CNTN4: variants seen among roughly 807,000 people sequenced by gnomAD.
The protein encoded by CNTN4 is contactin-4.
CNTN4 carries 77 observed loss-of-function variants against 122.5 expected under a neutral mutation model. The observed-to-expected ratio is 0.63, with a 90% CI of 0.52 to 0.76. The LOEUF (loss-of-function observed/expected upper bound fraction) is 0.76, where lower values mean the gene tolerates loss of function less well. Ranked by LOEUF, CNTN4 falls within the 30% of genes least tolerant of loss-of-function variation. The pLI is 0.00. For missense variants in CNTN4, 1,256 were observed against 1,259.1 expected, an observed-to-expected ratio of 1.00 and a Z score of 0.04; for synonymous variants, 512 against 447.0, an observed-to-expected ratio of 1.15 and a Z score of -1.83.
intron 2 of CNTN4, among the ~76,000 whole-genome samples, chr3:2,247,563 G>T (rs143089744): frequency 6.6e-6 from 1 of 151,898 alleles, no homozygotes; most frequent in Non-Finnish European, 1.5e-5. Context: ...CTAGATTTGC[G>T]AATTTCTTGT....
rs151174964 is a variant in CNTN4 at position 2,999,968 on chromosome 3, G to A, written c.1486+11496G>A. Among the ~76,000 whole-genome samples the A allele has an allele frequency of 2.1e-3, 323 of 152,220 alleles. 1 individual carries two copies. Among genetic ancestry groups the A allele is most frequent in the African/African-American group, 7.4e-3 (307 of 41,528 alleles). ...CATTCTCTGATCACATGAATCATTAGGGAATAAACTAAATATCAGAAGTAG... is the reference window on the plus strand; with the variant it reads ...CATTCTCTGATCACATGAATCATTAAGGAATAAACTAAATATCAGAAGTAG... On this transcript the variant is annotated intron_variant, in intron 14 of 24. Transcript: ENST00000418658.
chr3:2,433,819 A>G (rs2048164754), intron 3 of CNTN4, among the ~76,000 whole-genome samples: 1 of 152,170 alleles, frequency 6.6e-6, no homozygotes, highest in Non-Finnish European at 1.5e-5. Flanking sequence ...GTAAGTTTCC[A>G]ATTTCATTCT....
At chr3:2,158,101 A>G (rs556952437) in intron 2 of CNTN4, among the ~76,000 whole-genome samples, 1 of 152,286 alleles carries the variant, frequency 6.6e-6, no homozygotes, top group African/African-American at 2.4e-5. Flanking sequence ...CATATACTGC[A>G]TATATGGGAA....
intron 12 of CNTN4, 122 bp downstream of exon 12, chr3:2,903,127 G>T: frequency 1.1e-6 from 1 of 937,902 alleles, no homozygotes. Flanking sequence ...TTAGGCCAAA[G>T]ATGCTACTCA....
intron 3 of CNTN4, among the ~76,000 whole-genome samples, chr3:2,518,137 T>C (rs1207443838): frequency 2.3e-5 from 3 of 131,366 alleles, no homozygotes; most frequent in Non-Finnish European, 4.9e-5. Context: ...TTAAGAGATG[T>C]GAAAGGCTTT....
chr3:3,044,286 C>T (rs1700423836), intron 23 of CNTN4, among the ~76,000 whole-genome samples: 1 of 152,180 alleles, frequency 6.6e-6, no homozygotes, highest in Admixed American at 6.5e-5. Flanking sequence ...TTTCCAGCTA[C>T]CTATTTGCTA....
intron 14 of CNTN4, among the ~76,000 whole-genome samples, chr3:2,997,653 A>C (rs553689248): frequency 7.2e-5 from 11 of 152,332 alleles, no homozygotes; most frequent in East Asian, 5.8e-4. Context: ...ACCAAGATGA[A>C]AGCAAGTTAA....
At chr3:2,141,031 T>G (rs548937203) in intron 2 of CNTN4, among the ~76,000 whole-genome samples, 1 of 152,202 alleles carries the variant, frequency 6.6e-6, no homozygotes, top group African/African-American at 2.4e-5. Flanking sequence ...AAATGAGATA[T>G]TACTTACTCC....
At chr3:2,486,746 A>G (rs1167152811) in intron 3 of CNTN4, among the ~76,000 whole-genome samples, 1 of 152,180 alleles carries the variant, frequency 6.6e-6, no homozygotes, top group Non-Finnish European at 1.5e-5. Flanking sequence ...TTATTTGGGT[A>G]CAACTGTAAA....
chr3:2,422,878 G>T (rs962670975), intron 3 of CNTN4, among the ~76,000 whole-genome samples: 1 of 152,196 alleles, frequency 6.6e-6, no homozygotes, highest in Non-Finnish European at 1.5e-5. Flanking sequence ...AAATTAATTA[G>T]TGGTGTGTTG....
intron 2 of CNTN4, among the ~76,000 whole-genome samples, chr3:2,167,586 C>CA (rs1332001793): frequency 6.6e-6 from 1 of 151,960 alleles, no homozygotes; most frequent in African/African-American, 2.4e-5. Flanking sequence ...TTGGACTAGT[C>CA]AAAAAAATCC....
chr3:2,649,761 G>T (rs2083282053), intron 4 of CNTN4, among the ~76,000 whole-genome samples: 2 of 151,930 alleles, frequency 1.3e-5, no homozygotes, highest in South Asian at 4.1e-4. Flanking sequence ...GCCATACATA[G>T]TGACTTCTCT....
intron 13 of CNTN4, among the ~76,000 whole-genome samples, chr3:2,962,766 T>C (rs2094874860): frequency 6.6e-6 from 1 of 152,274 alleles, no homozygotes; most frequent in East Asian, 1.9e-4. Context: ...AAAGAACATA[T>C]GAGTACTATG....
At chr3:2,581,347 G>A (rs1381381378) in intron 4 of CNTN4, among the ~76,000 whole-genome samples, 3 of 152,118 alleles carry the variant, frequency 2.0e-5, no homozygotes, top group Admixed American at 1.3e-4. Context: ...TATATAAGGG[G>A]ATTCTGATGC....
At chr3:2,932,165 C>G (rs1378371671) in intron 13 of CNTN4, among the ~76,000 whole-genome samples, 1 of 152,018 alleles carries the variant, frequency 6.6e-6, no homozygotes, top group Admixed American at 6.6e-5. Context: ...ATCACGAGGT[C>G]AGGAGATCGA....
chr3:2,817,914 A>G (rs991417534), intron 6 of CNTN4, among the ~76,000 whole-genome samples: 3 of 152,250 alleles, frequency 2.0e-5, no homozygotes, highest in African/African-American at 7.2e-5. Context: ...CATAAAGACA[A>G]GAAAAATACC....
intron 3 of CNTN4, among the ~76,000 whole-genome samples, chr3:2,375,688 C>T (rs1242698611): frequency 6.6e-6 from 1 of 152,162 alleles, no homozygotes; most frequent in Non-Finnish European, 1.5e-5. Context: ...AATGATTCTT[C>T]TTTTCTTTTT....
chr3:2,804,855 G>C (rs1305505187), intron 6 of CNTN4, among the ~76,000 whole-genome samples: 2 of 151,886 alleles, frequency 1.3e-5, no homozygotes, highest in African/African-American at 2.4e-5. Context: ...ACAACACCAT[G>C]CCCGGCTATT....
rs542396828 is a variant in CNTN4, at chr3:3,013,713, C to A, written c.1487-12389C>A. The stretch of plus-strand genomic sequence containing the variant: ...ATGATTTTGTAAACTATGGAATGAT[C>A]TACAAATGCAAAATACCATATGCCT... On this transcript the variant is annotated intron_variant, in intron 14 of 24. Transcript: ENST00000418658. Among the ~76,000 whole-genome samples the A allele has an allele frequency of 2.0e-5, 3 of 151,362 alleles. No individual in the cohort carries two copies. The South Asian group carries it at 6.2e-4, about 31-fold the overall frequency.
Sources: gnomAD v4.1 joint callset for allele counts (sites outside exome capture counted in the v4.1 genomes callset) on GRCh38, gnomAD v4.1.1 for gene constraint, MANE v1.5 for transcripts, NCBI Gene and HGNC (gene_info 2026-07-23, HGNC 2026-07-21) for gene names.